Variants in FAM13B observed in about 807,000 individuals in gnomAD.
FAM13B encodes protein FAM13B.
A neutral mutation model predicts 117.3 loss-of-function variants in FAM13B; 60 were observed. That is an observed-to-expected ratio of 0.51 (90% CI 0.42 to 0.63). The LOEUF (loss-of-function observed/expected upper bound fraction) is 0.63. Ranked by LOEUF, FAM13B falls within the 30% of genes least tolerant of loss-of-function variation. The pLI is 0.00. For missense variants in FAM13B, 972 were observed against 1,091.9 expected (o/e 0.89, Z 1.55); for synonymous variants, 332 against 356.1 (o/e 0.93, Z 0.76).
intron 10 of FAM13B, among the ~76,000 whole-genome samples, chr5:137,967,180 T>C (rs1316387491): frequency 1.3e-5 from 2 of 151,064 alleles, no homozygotes; most frequent in Non-Finnish European, 2.9e-5. Context: ...GACAAAAAAC[T>C]GGAAACAAAT....
At chr5:138,041,855 C>T (rs543285569) in intron 1 of FAM13B, among the ~76,000 whole-genome samples, 3 of 150,994 alleles carry the variant, frequency 2.0e-5, no homozygotes, top group Middle Eastern at 3.4e-3. Flanking sequence ...TAAGCACCAC[C>T]GCACTCCAGC....
chr5:138,046,278 G>C (rs1472352560), intron 1 of FAM13B, among the ~76,000 whole-genome samples: 2 of 152,160 alleles, frequency 1.3e-5, no homozygotes, highest in Non-Finnish European at 2.9e-5. Flanking sequence ...TTTGTAAATT[G>C]CCCAGTCTCT....
chr5:138,011,827 A>G lies in FAM13B; in HGVS notation c.489T>C (p.His163=). Reference sequence around the variant, plus strand: ...AATTTGCGGACCAAATTTCTTCATGATGTGATGCTACATTGGCTAAAAATC... The same window carrying G: ...AATTTGCGGACCAAATTTCTTCATGGTGTGATGCTACATTGGCTAAAAATC... The part of the protein sequence containing the change: ...LCRFLANVAS[H]HEEIWSANSL... Residue 163 remains histidine, a synonymous_variant, in exon 5 of 24, where the codon CAT becomes CAC. Coordinates refer to ENST00000689681, the MANE Select transcript of FAM13B (RefSeq NM_001385994.1). 1.2e-6 allele frequency: 2 copies of G among 1,611,586 alleles called. No individual in the cohort carries two copies. The highest frequency in any genetic ancestry group is 1.7e-6 in the Non-Finnish European group (2 of 1,179,022).
At chr5:138,017,730 T>G (rs1785608853) in intron 4 of FAM13B, among the ~76,000 whole-genome samples, 1 of 152,188 alleles carries the variant, frequency 6.6e-6, no homozygotes, top group Non-Finnish European at 1.5e-5. Flanking sequence ...CACTACTTTT[T>G]AGTCACCACC....
At chr5:138,042,011 T>C (rs1791515407) in intron 1 of FAM13B, among the ~76,000 whole-genome samples, 1 of 152,098 alleles carries the variant, frequency 6.6e-6, no homozygotes, top group Non-Finnish European at 1.5e-5. Context: ...CAGTGAACTA[T>C]GACTGCACCA....
rs190222551 is a variant in FAM13B at position 137,979,777 on chromosome 5, C to T, written c.1179+5480G>A. On this transcript the variant is annotated intron_variant, in intron 10 of 23. Transcript: ENST00000689681. ...CTACCCTGGCCAGAAGTTCTTTCCT[C>T]TCTTCTGCAAGACTATAGTGCCCTA... Among the ~76,000 whole-genome samples, 250 of 152,256 alleles carry T rather than the reference C, an allele frequency of 1.6e-3. 1 individual carries two copies. Among genetic ancestry groups the T allele is most frequent in the African/African-American group, 5.8e-3 (240 of 41,542 alleles).
At position 137,954,375 on chromosome 5, in the gene FAM13B, C is replaced by T. The variant is rs1319319999; in HGVS notation, c.1509G>A (p.Glu503=). ...GCCAAGACTTAAAAGCAGGAAATGG[C>T]TCTATAAAACAAACACAAAGAATAG... ...KTMHLQRDGE[E]PFPAFKSWQE... Residue 503 remains glutamate (E), a splice_region_variant and synonymous_variant, in exon 15 of 24, where the codon GAG becomes GAA. Coordinates refer to ENST00000689681, the MANE Select transcript of FAM13B (RefSeq NM_001385994.1). 1.2e-6 allele frequency: 2 copies of T among 1,610,894 alleles called. No homozygotes were observed. Among genetic ancestry groups the T allele is most frequent in the African/African-American group, 1.3e-5 (1 of 74,892 alleles).
chr5:137,972,863 T>C (rs899339596), intron 10 of FAM13B, among the ~76,000 whole-genome samples: 3 of 151,958 alleles, frequency 2.0e-5, no homozygotes, highest in Admixed American at 2.0e-4. Context: ...TCACAATTGC[T>C]TCAAAGAGAA....
At chr5:137,945,330 T>C (rs79378560) in intron 20 of FAM13B, among the ~76,000 whole-genome samples, 70 of 152,344 alleles carry the variant, frequency 4.6e-4, no homozygotes, top group African/African-American at 1.6e-3. Context: ...GGACAGCACT[T>C]AATATGCATT....
intron 1 of FAM13B, among the ~76,000 whole-genome samples, chr5:138,050,818 T>C (rs1561563365): frequency 6.6e-6 from 1 of 152,216 alleles, no homozygotes. Flanking sequence ...TACCCAACTA[T>C]GATGTTGAGT....
chr5:137,941,657 TC>T (rs1462557668), intron 23 of FAM13B, among the ~76,000 whole-genome samples: 1 of 151,964 alleles, frequency 6.6e-6, no homozygotes, highest in African/African-American at 2.4e-5. Flanking sequence ...TCACAACCAC[TC>T]CCAAAAGGGT....
intron 10 of FAM13B, among the ~76,000 whole-genome samples, chr5:137,973,362 G>T (rs1440467256): frequency 6.6e-6 from 1 of 151,626 alleles, no homozygotes; most frequent in Non-Finnish European, 1.5e-5. Flanking sequence ...ATGGGGAAAG[G>T]ATTCCCTATT....
intron 9 of FAM13B, among the ~76,000 whole-genome samples, chr5:137,986,382 A>C (rs1206258955): frequency 6.8e-6 from 1 of 146,564 alleles, no homozygotes; most frequent in African/African-American, 2.5e-5. Flanking sequence ...TTTTTCCTTT[A>C]CCTTCCTATG....
chr5:138,015,840 C>A (rs1165158804), intron 4 of FAM13B, among the ~76,000 whole-genome samples: 1 of 152,150 alleles, frequency 6.6e-6, no homozygotes, highest in African/African-American at 2.4e-5. Flanking sequence ...AAATATCACC[C>A]CAAATACTAC....
At chr5:138,049,588 C>T (rs1458840517) in intron 1 of FAM13B, among the ~76,000 whole-genome samples, 1 of 152,044 alleles carries the variant, frequency 6.6e-6, no homozygotes, top group African/African-American at 2.4e-5. Context: ...TGATACATTT[C>T]TTAACTCCAT....
At chr5:137,968,329 T>C (rs1394388452) in intron 10 of FAM13B, among the ~76,000 whole-genome samples, 1 of 150,138 alleles carries the variant, frequency 6.7e-6, no homozygotes, top group Non-Finnish European at 1.5e-5. Context: ...TAATCCCGGC[T>C]ACTTGGGAGG....
Position 138,019,113 on chromosome 5 carries a change from T to A in FAM13B, c.-2A>T. ...GGAAGGGGAGGAGCTCTTCCTCATA[T>A]CTTTTTTGCAGCCAGAAATCAAAGC... is the stretch of plus-strand genomic sequence containing the variant. On this transcript the variant is annotated 5_prime_UTR_variant, in exon 3 of 24. Coordinates refer to ENST00000689681, the MANE Select transcript of FAM13B (RefSeq NM_001385994.1). The A allele has an allele frequency of 6.2e-7, 1 of 1,611,692 alleles. No homozygotes were observed. The highest frequency in any genetic ancestry group is 8.5e-7 in the Non-Finnish European group (1 of 1,179,090).
At chr5:138,012,774 C>T (rs1293460243) in intron 4 of FAM13B, among the ~76,000 whole-genome samples, 1 of 151,942 alleles carries the variant, frequency 6.6e-6, no homozygotes, top group Non-Finnish European at 1.5e-5. Flanking sequence ...TGTATTTTTC[C>T]GCAGGTTCTT....
chr5:138,037,449 A>C (rs1239323619), upstream of FAM13B, among the ~76,000 whole-genome samples: 1 of 150,818 alleles, frequency 6.6e-6, no homozygotes, highest in African/African-American at 2.4e-5. Context: ...ACCTCAGCAT[A>C]TCTGCCTCCC....
Sources: gnomAD v4.1 joint callset for allele counts (sites outside exome capture counted in the v4.1 genomes callset) on GRCh38, gnomAD v4.1.1 for gene constraint, MANE v1.5 for transcripts, NCBI Gene and HGNC (gene_info 2026-07-23, HGNC 2026-07-21) for gene names.